TLN1: variants seen among roughly 807,000 people sequenced by gnomAD.
TLN1 encodes talin 1, also known as talin-1.
A neutral mutation model predicts 292.3 loss-of-function variants in TLN1; 56 were observed. That is an observed-to-expected ratio of 0.19 (90% CI 0.15 to 0.24). TLN1 has a LOEUF of 0.24. TLN1 is among the 10% of genes least tolerant of loss of function. The pLI is 1.00. For synonymous variants in TLN1, 1,119 were observed against 1,253.7 expected, an observed-to-expected ratio of 0.89 and a Z score of 2.27; for missense variants, 2,433 against 3,248.2, an observed-to-expected ratio of 0.75 and a Z score of 6.10.
chr9:35,703,721 G>A (rs1825508914), intron 47 of TLN1, 45 bp from the exon 48 acceptor site: 6 of 1,614,184 alleles, frequency 3.7e-6, no homozygotes, highest in Admixed American at 1.7e-5. Flanking sequence ...TAAGGAACAG[G>A]AGGAAGTATG....
intron 1 of TLN1, among the ~76,000 whole-genome samples, chr9:35,727,549 T>TC (rs1825999551): frequency 6.6e-6 from 1 of 152,036 alleles, no homozygotes; most frequent in Non-Finnish European, 1.5e-5. Context: ...CCTCCCAGTC[T>TC]CCCCAGTTCC....
chr9:35,727,839 AG>A (rs913964874), intron 1 of TLN1, among the ~76,000 whole-genome samples: 1 of 152,154 alleles, frequency 6.6e-6, no homozygotes, highest in African/African-American at 2.4e-5. Flanking sequence ...GACCCCGATA[AG>A]GGAGCTGAGT....
At position 35,720,378 on chromosome 9, in the gene TLN1, C is replaced by T; in HGVS notation, c.1283+55G>A. Reference sequence around the variant, plus strand: ...CCCACCTCCCAAGAGTCCTTAGAGTCAGGCCTTGCCTTCTCTACCCCTGGG... The same window carrying T: ...CCCACCTCCCAAGAGTCCTTAGAGTTAGGCCTTGCCTTCTCTACCCCTGGG... On this transcript the variant is annotated intron_variant, in intron 12 of 56. Transcript: ENST00000314888. The T allele has an allele frequency of 1.9e-6, 3 of 1,595,516 alleles. No homozygotes were observed. The South Asian group carries it at 3.3e-5, about 18-fold the overall frequency.
intron 48 of TLN1, 77 bp downstream of exon 48, chr9:35,703,483 A>G: frequency 7.6e-7 from 1 of 1,319,078 alleles, no homozygotes; most frequent in Non-Finnish European, 1.1e-6. Context: ...CTGTGAGTAT[A>G]TGTGTGGCAC....
intron 1 of TLN1, among the ~76,000 whole-genome samples, chr9:35,727,220 C>G (rs1471231080): frequency 6.6e-6 from 1 of 152,084 alleles, no homozygotes; most frequent in African/African-American, 2.4e-5. Context: ...CCCCTCCTGG[C>G]AAACTACAAG....
In TLN1 at chr9:35,712,011, A is replaced by C; in HGVS notation, c.3675T>G (p.Ser1225Arg). The change falls in exon 28 of 57, where the codon AGT (serine) becomes AGG (arginine). Residue 1225 changes from serine (S) to arginine (R), a missense_variant. By Grantham distance (110) the Ser-to-Arg change is moderately radical. Around this residue, in one of 7 missense-constraint regions of TLN1, gnomAD observed 1,384 missense variants for 1,699.6 expected, o/e 0.81. Coordinates refer to ENST00000314888, the MANE Select transcript of TLN1 (RefSeq NM_006289.4). ...CCCCCTACCGTCCTCCTACCGAGTC[A>C]CTCAGGAGTCGCTTGCTGGCATCTC... Reference protein sequence around the residue: ...AVGDASKRLLSDSLPPSTGTF... With the variant: ...AVGDASKRLLRDSLPPSTGTF... 3 of 1,613,806 alleles carry C rather than the reference A, an allele frequency of 1.9e-6. No homozygotes were observed. The highest frequency in any genetic ancestry group is 2.5e-6 in the Non-Finnish European group (3 of 1,179,982).
At chr9:35,727,832 C>G (rs536793625) in intron 1 of TLN1, among the ~76,000 whole-genome samples, 2 of 152,252 alleles carry the variant, frequency 1.3e-5, no homozygotes, top group African/African-American at 4.8e-5. Context: ...CTGGTGAGAC[C>G]CCGATAAGGG....
In TLN1 at chr9:35,710,564, T is replaced by G; in HGVS notation, c.4323A>C (p.Ala1441=). The change falls in exon 33 of 57, where the codon GCA becomes GCC. Residue 1441 remains alanine (A), a synonymous_variant. Transcript: ENST00000314888. ...GAACCCATCTCAGGAAAATAACCTG[T>G]GCAGCTGCCTCGGTGAAGCCACAAA... ...KALCGFTEAA[A]QAAYLVGVSD... is the part of the protein sequence containing the mutation. 1 of 1,613,162 alleles carries G rather than the reference T, an allele frequency of 6.2e-7. No individual in the cohort carries two copies. The highest frequency in any genetic ancestry group is 8.5e-7 in the Non-Finnish European group (1 of 1,179,856).
chr9:35,713,917 GGATTT>G (rs769908080), intron 25 of TLN1, 31 bp downstream of exon 25: 3 of 1,612,842 alleles, frequency 1.9e-6, no homozygotes, highest in Middle Eastern at 1.7e-4. Context: ...GAAGACTTTA[GGATTT>G]GAGTAAGAAT....
At position 35,714,728 on chromosome 9, in the gene TLN1, C is replaced by A. The variant is rs1825747136; in HGVS notation, c.2871+32G>T. On this transcript the variant is annotated intron_variant, in intron 22 of 56. Coordinates refer to ENST00000314888, the MANE Select transcript of TLN1 (RefSeq NM_006289.4). This position sits in a 1 kb window ranked among gnomAD's most constrained non-coding sequence, Gnocchi z 4.6. ...TCATAAGAGACCCACAAGTCTCCCT[C>A]TTCCACTCCCACATCCTTCCTAGAG... 2 of 1,611,394 alleles carry A rather than the reference C, an allele frequency of 1.2e-6. No homozygotes were observed. The highest frequency in any genetic ancestry group is 4.5e-5 in the East Asian group (2 of 44,854).
intron 1 of TLN1, among the ~76,000 whole-genome samples, chr9:35,731,624 G>A (rs1826081624): frequency 6.6e-6 from 1 of 152,006 alleles, no homozygotes; most frequent in Non-Finnish European, 1.5e-5. Flanking sequence ...GGCCATCCCA[G>A]CAAACAAGAT....
Position 35,714,166 on chromosome 9 carries a change from G to A in TLN1, c.3120+73C>T. 1 of 1,600,990 alleles carries A rather than the reference G, an allele frequency of 6.2e-7. No homozygotes were observed. The highest frequency in any genetic ancestry group is 8.5e-7 in the Non-Finnish European group (1 of 1,170,362). On this transcript the variant is annotated intron_variant, in intron 24 of 56. Coordinates refer to ENST00000314888, the MANE Select transcript of TLN1 (RefSeq NM_006289.4). This position sits in a 1 kb window ranked among gnomAD's most constrained non-coding sequence, Gnocchi z 4.6. ...GATTACACAATTATCTGCGTATTGG[G>A]TTATTCTGCACAGATTTCCTCTCAT... is the stretch of plus-strand genomic sequence containing the variant.
chr9:35,707,607 T>C lies in TLN1; in HGVS notation c.4633-119A>G. The C allele has an allele frequency of 6.3e-7, 1 of 1,576,328 alleles. No individual in the cohort carries two copies. The highest frequency in any genetic ancestry group is 1.2e-5 in the South Asian group (1 of 85,654). ...TTGGGGAGAGGCTAGGTGGTCAGTC[T>C]GAATAGAAAGAGCTTGGGCTCAGGC... is the stretch of plus-strand genomic sequence containing the variant. On this transcript the variant is annotated intron_variant, in intron 35 of 56. Coordinates refer to ENST00000314888, the MANE Select transcript of TLN1 (RefSeq NM_006289.4). This position sits in a 1 kb window ranked among gnomAD's most constrained non-coding sequence, Gnocchi z 5.6.
rs1825679599 is a variant in TLN1, at chr9:35,711,988, C to T, written c.3681+17G>A. On this transcript the variant is annotated intron_variant, in intron 28 of 56. Transcript: ENST00000314888. ...TCTTTGACTCCTACGTTCCCCCACC[C>T]CCTACCGTCCTCCTACCGAGTCACT... 4.3e-6 allele frequency: 7 copies of T among 1,612,642 alleles called. No individual in the cohort carries two copies. Among genetic ancestry groups the T allele is most frequent in the Admixed American group, 1.7e-5 (1 of 59,906 alleles).
In TLN1 at chr9:35,723,956, G is replaced by A; in HGVS notation, c.778C>T (p.Leu260Phe). The A allele has an allele frequency of 1.2e-6, 2 of 1,614,106 alleles. No homozygotes were observed. The highest frequency in any genetic ancestry group is 1.6e-4 in the Middle Eastern group (1 of 6,062). The change falls in exon 7 of 57, where the codon CTT becomes TTT. Residue 260 changes from leucine to phenylalanine, a missense_variant. Around this residue, in one of 7 missense-constraint regions of TLN1, gnomAD observed 78 missense variants for 88.8 expected, o/e 0.88. Coordinates refer to ENST00000314888, the MANE Select transcript of TLN1 (RefSeq NM_006289.4). ...TATAGGATGTGGGTCACTCACTCAA[G>A]GAAGCCAGCCTTGTGCTTCTGCTCA... ...HNEQKHKAGF[L>F]DLKDFLPKEY...
chr9:35,701,409 C>T (rs1170701366), intron 48 of TLN1, among the ~76,000 whole-genome samples: 1 of 152,156 alleles, frequency 6.6e-6, no homozygotes, highest in African/African-American at 2.4e-5. Flanking sequence ...TCATGAGTAA[C>T]TGGGACAGGC....
chr9:35,699,551 C>A lies in TLN1; in HGVS notation c.6769-90G>T. ...TAGGGCAGACCATGGCCCCCTCACC[C>A]CTATCCCTAGAGCACTCCACACCAT... On this transcript the variant is annotated intron_variant, in intron 50 of 56. Transcript: ENST00000314888. This position sits in a 1 kb window ranked among gnomAD's most constrained non-coding sequence, Gnocchi z 4.0. 6.7e-7 allele frequency: 1 copy of A among 1,489,820 alleles called. No homozygotes were observed. The allele number at this position is 1,489,820 out of a possible 1,614,324, so 92.3% of individuals were successfully genotyped here. A position where few individuals can be genotyped will look rare whatever the true frequency, so the allele number is the denominator to read the frequency against.
At position 35,707,644 on chromosome 9, in the gene TLN1, G is replaced by T; in HGVS notation, c.4632+87C>A. 1 of 1,593,734 alleles carries T rather than the reference G, an allele frequency of 6.3e-7. No individual in the cohort carries two copies. The highest frequency in any genetic ancestry group is 8.6e-7 in the Non-Finnish European group (1 of 1,166,260). The stretch of plus-strand genomic sequence containing the variant: ...GCTTGGGCTCAGGCAGAGGGGATTT[G>T]GTAGAAGGCTTCAGAGAATAACTGG... On this transcript the variant is annotated intron_variant, in intron 35 of 56. Transcript: ENST00000314888. The surrounding 1 kb of genome is among the most constrained non-coding windows in gnomAD (Gnocchi z 5.6).
Position 35,698,119 on chromosome 9 carries a change from C to T in TLN1, c.7425G>A (p.Gln2475=), listed in dbSNP as rs1273871417. 6.2e-7 allele frequency: 1 copy of T among 1,614,114 alleles called. No individual in the cohort carries two copies. Among genetic ancestry groups the T allele is most frequent in the Admixed American group, 1.7e-5 (1 of 60,030 alleles). Residue 2475 remains glutamine, a synonymous_variant, in exon 56 of 57, where the codon CAG becomes CAA. Transcript: ENST00000314888. The surrounding 1 kb of genome is among the most constrained non-coding windows in gnomAD (Gnocchi z 5.3). ...RASDNLVKAA[Q]KAAAFEEQEN... is the part of the protein sequence containing the mutation. The stretch of plus-strand genomic sequence containing the variant: ...CCTGCTCTTCAAAGGCTGCAGCCTT[C>T]TGTGCTGCTTTCACCAGATTATCTG...
Sources: allele counts gnomAD v4.1 joint callset (sites outside exome capture counted in the v4.1 genomes callset), GRCh38; gene constraint gnomAD v4.1.1; regional missense constraint gnomAD v4.1.1; non-coding constraint Gnocchi (gnomAD v3.1); transcripts MANE v1.5; gene names NCBI Gene and HGNC (gene_info 2026-07-23, HGNC 2026-07-21).